Variants in WSB2 observed in about 807,000 individuals in gnomAD.
WSB2 encodes WD repeat and SOCS box containing 2, also known as WD repeat and SOCS box-containing protein 2.
In WSB2, 12 loss-of-function variants were observed where a neutral mutation model predicts 48.8. That is an observed-to-expected ratio of 0.25 (90% CI 0.16 to 0.40). The LOEUF (loss-of-function observed/expected upper bound fraction) is 0.40. Ranked by LOEUF, WSB2 falls within the 10% of genes least tolerant of loss-of-function variation. The pLI is 1.00. For missense variants in WSB2, 317 were observed against 506.2 expected (o/e 0.63, Z 3.59); for synonymous variants, 191 against 203.1 (o/e 0.94, Z 0.51).
At chr12:118,050,835 T>G (rs1388923034) in intron 2 of WSB2, among the ~76,000 whole-genome samples, 1 of 152,096 alleles carries the variant, frequency 6.6e-6, no homozygotes, top group Non-Finnish European at 1.5e-5. Context: ...GTGGATCACC[T>G]GAGGTCAGGA....
At chr12:118,059,823 GGA>G (rs945673370) in intron 1 of WSB2, among the ~76,000 whole-genome samples, 1 of 152,188 alleles carries the variant, frequency 6.6e-6, no homozygotes, top group Non-Finnish European at 1.5e-5. Context: ...TAGATGGGAA[GGA>G]GAGAGAGCTG....
rs35299550 is a variant in WSB2, at chr12:118,033,547, TAAAAA to T, written c.*644_*648del. ...ATTTCCTGCACATGCACACCATTGT[TAAAAA>T]AAAAAAAAAAAAGCCAGTAATAGTG... On this transcript the variant is annotated 3_prime_UTR_variant, in exon 9 of 9. Coordinates refer to ENST00000315436, the MANE Select transcript of WSB2 (RefSeq NM_018639.5). 9.9e-5 allele frequency: 13 copies of T among 130,870 alleles called. No individual in the cohort carries two copies. The highest frequency in any genetic ancestry group is 1.1e-4 in the African/African-American group (4 of 36,032). 8.1% of individuals were successfully genotyped at this position (130,870 alleles called of 1,614,324 possible).
chr12:118,052,004 G>A (rs1357530590), intron 2 of WSB2, among the ~76,000 whole-genome samples: 2 of 152,082 alleles, frequency 1.3e-5, no homozygotes, highest in Non-Finnish European at 2.9e-5. Flanking sequence ...GACTGATGAT[G>A]GTGATGGATG....
Position 118,042,594 on chromosome 12 carries a change from A to T in WSB2, c.559+247T>A, listed in dbSNP as rs1407157348. 27 of 474,218 alleles carry T rather than the reference A, an allele frequency of 5.7e-5. No individual in the cohort carries two copies. In the South Asian group the frequency reaches 7.2e-4, roughly 13 times the overall value. 29.4% of individuals were successfully genotyped at this position (474,218 alleles called of 1,614,324 possible). A position where few individuals can be genotyped will look rare whatever the true frequency, so the allele number is the denominator to read the frequency against. On this transcript the variant is annotated intron_variant, in intron 4 of 8. Transcript: ENST00000315436. ...CAGCACATAAGTAGATATACAATAT[A>T]TCTTCGATATTAAAATAGCCTAAAT...
chr12:118,043,125 T>A lies in WSB2; in HGVS notation c.427+8A>T. On this transcript the variant is annotated splice_region_variant and intron_variant, in intron 3 of 8. Transcript: ENST00000315436. ...CCCAGAACCTTGTGCCAGCCAGGAA[T>A]GACCTACCTGTCTGCACCTCCCAGA... 6.2e-7 allele frequency: 1 copy of A among 1,614,170 alleles called. No homozygotes were observed. The highest frequency in any genetic ancestry group is 8.5e-7 in the Non-Finnish European group (1 of 1,179,994).
At chr12:118,051,820 A>G (rs1402137552) in intron 2 of WSB2, among the ~76,000 whole-genome samples, 5 of 152,176 alleles carry the variant, frequency 3.3e-5, no homozygotes, top group Non-Finnish European at 7.3e-5. Flanking sequence ...CTAATAATAC[A>G]AAACTTAGCC....
chr12:118,061,189 T>C (rs2032059186), upstream of WSB2: 2 of 976,492 alleles, frequency 2.0e-6, no homozygotes, highest in Non-Finnish European at 2.4e-6. Context: ...TCCCGTCACA[T>C]GGCGGTGGGC....
At chr12:118,054,460 C>T (rs1241153286) in intron 1 of WSB2, among the ~76,000 whole-genome samples, 3 of 148,128 alleles carry the variant, frequency 2.0e-5, no homozygotes, top group African/African-American at 4.9e-5. Flanking sequence ...CACCTGAGGT[C>T]GGGAGTTCGA....
Position 118,052,472 on chromosome 12 carries a change from G to A in WSB2, c.20C>T (p.Pro7Leu), listed in dbSNP as rs781758614. The A allele has an allele frequency of 5.6e-6, 9 of 1,613,772 alleles. No individual in the cohort carries two copies. Among genetic ancestry groups the A allele is most frequent in the Admixed American group, 1.7e-5 (1 of 59,974 alleles). The change falls in exon 2 of 9, where the codon CCG becomes CTG. Residue 7 changes from proline (P) to leucine (L), a missense_variant. Coordinates refer to ENST00000315436, the MANE Select transcript of WSB2 (RefSeq NM_018639.5). ...GGGCTTGAGTTCGGCCAGCAGCAGC[G>A]GTTCCTCTGGGGCAGGAGACAACAT... is the stretch of plus-strand genomic sequence containing the variant. MEAGEE[P>L]LLLAELKPGR...
chr12:118,058,165 T>C (rs540590496), intron 1 of WSB2, among the ~76,000 whole-genome samples: 8 of 152,128 alleles, frequency 5.3e-5, no homozygotes, highest in Non-Finnish European at 1.2e-4. Context: ...ATGAAAGCTA[T>C]GACCCCAGCC....
Position 118,034,016 on chromosome 12 carries a change from C to A in WSB2, c.*180G>T, listed in dbSNP as rs536970955. The A allele has an allele frequency of 2.4e-5, 19 of 800,578 alleles. No individual in the cohort carries two copies. In the Admixed American group the frequency reaches 4.8e-4, roughly 20 times the overall value. 49.6% of individuals were successfully genotyped at this position (800,578 alleles called of 1,614,324 possible). On this transcript the variant is annotated 3_prime_UTR_variant, in exon 9 of 9. Transcript: ENST00000315436. ...TCTCTTCCTCTAAGACTGACTTTCA[C>A]ATGCCAGGGAGAGAAAGATCCATGA...
intron 4 of WSB2, among the ~76,000 whole-genome samples, chr12:118,040,555 G>GT (rs1274219025): frequency 6.6e-6 from 1 of 151,862 alleles, no homozygotes; most frequent in Admixed American, 6.6e-5. Context: ...CAGGTCAGGA[G>GT]TGCAAGACCA....
chr12:118,036,387 T>C lies in WSB2; in HGVS notation c.784A>G (p.Asn262Asp). 2 of 1,614,050 alleles carry C rather than the reference T, an allele frequency of 1.2e-6. No homozygotes were observed. The highest frequency in any genetic ancestry group is 1.7e-6 in the Non-Finnish European group (2 of 1,180,014). The change falls in exon 6 of 9, where the codon AAT becomes GAT. Residue 262 changes from asparagine to aspartate, a missense_variant. Physicochemically the swap from Asn to Asp is conservative, Grantham distance 23 (BLOSUM62 1). Around this residue, in one of 2 missense-constraint regions of WSB2, gnomAD observed 189 missense variants for 349.6 expected, o/e 0.54. Coordinates refer to ENST00000315436, the MANE Select transcript of WSB2 (RefSeq NM_018639.5). ...GTGTAGGGGTCCCACATAATCACAT[T>C]GGTATCGTAAGAAGCCGTGACAAGC... is the stretch of plus-strand genomic sequence containing the variant. ...ALLVTASYDT[N>D]VIMWDPYTGE...
intron 4 of WSB2, among the ~76,000 whole-genome samples, chr12:118,041,406 A>G (rs2031633384): frequency 1.3e-5 from 2 of 152,318 alleles, no homozygotes; most frequent in South Asian, 4.1e-4. Flanking sequence ...CGGACTCCCC[A>G]ACCTTCAGAA....
chr12:118,043,060 G>A (rs2031672042), intron 3 of WSB2, 73 bp downstream of exon 3: 3 of 1,613,702 alleles, frequency 1.9e-6, no homozygotes, highest in Non-Finnish European at 1.7e-6. Context: ...AACGTGAGTG[G>A]GGCAGGGAGG....
chr12:118,041,478 G>A (rs1450619625), intron 4 of WSB2, among the ~76,000 whole-genome samples: 1 of 152,136 alleles, frequency 6.6e-6, no homozygotes, highest in Non-Finnish European at 1.5e-5. Context: ...TAAGATACAA[G>A]TTTTCAGGCT....
chr12:118,052,694 TCA>T lies in WSB2; in HGVS notation c.14-218_14-217del, dbSNP rs2031877826. The T allele has an allele frequency of 1.4e-5, 9 of 660,488 alleles. No homozygotes were observed. In the South Asian group the frequency reaches 1.8e-4, roughly 13 times the overall value. 40.9% of individuals were successfully genotyped at this position (660,488 alleles called of 1,614,324 possible). ...CTCCTCACTGCTGGTTAACCATGAC[TCA>T]CAGTAACCTTTGTGCCCATGAACCC... On this transcript the variant is annotated intron_variant, in intron 1 of 8. Transcript: ENST00000315436.
intron 8 of WSB2, chr12:118,034,583 G>GCTCTCTCTCTCTC (rs1555267406): frequency 3.2e-4 from 173 of 538,150 alleles, no homozygotes; most frequent in Admixed American, 2.1e-3. Context: ...CGCTCTCTCT[G>GCTCTCTCTCTCTC]TCTCTCTCTC....
intron 2 of WSB2, among the ~76,000 whole-genome samples, chr12:118,045,321 C>A (rs1457321946): frequency 1.3e-5 from 2 of 149,728 alleles, no homozygotes; most frequent in Admixed American, 1.3e-4. Flanking sequence ...GCTGAGATCG[C>A]ACCACTGCAC....
Sources: allele counts gnomAD v4.1 joint callset (sites outside exome capture counted in the v4.1 genomes callset), GRCh38; gene constraint gnomAD v4.1.1; regional missense constraint gnomAD v4.1.1; transcripts MANE v1.5; gene names NCBI Gene and HGNC (gene_info 2026-07-23, HGNC 2026-07-21).